Variants in PARN observed in about 807,000 individuals in gnomAD.
PARN encodes poly(A)-specific ribonuclease, also known as poly(A)-specific ribonuclease PARN.
In PARN, 71 loss-of-function variants were observed where a neutral mutation model predicts 102.8. The observed-to-expected ratio is 0.69, with a 90% confidence interval of 0.57 to 0.84. The LOEUF (loss-of-function observed/expected upper bound fraction) is 0.84, where lower values mean the gene tolerates loss of function less well. Among genes scored for constraint, PARN ranks in the 40% least tolerant of loss-of-function variants. The pLI is 0.00. For synonymous variants in PARN, 261 were observed against 252.9 expected, an observed-to-expected ratio of 1.03 and a Z score of -0.30; for missense variants, 782 against 760.9, an observed-to-expected ratio of 1.03 and a Z score of -0.33.
chr16:14,624,732 G>C (rs1201243780), intron 5 of PARN, among the ~76,000 whole-genome samples: 1 of 151,252 alleles, frequency 6.6e-6, no homozygotes, highest in Non-Finnish European at 1.5e-5. Flanking sequence ...CAGCCCGACC[G>C]ACATGGAGAA....
At chr16:14,574,539 C>T (rs1285754252) in intron 18 of PARN, among the ~76,000 whole-genome samples, 2 of 152,032 alleles carry the variant, frequency 1.3e-5, no homozygotes, top group African/African-American at 4.8e-5. Flanking sequence ...ATGGTGAAAT[C>T]CCACCTCTAC....
At chr16:14,533,283 G>A (rs1043298114) in intron 21 of PARN, among the ~76,000 whole-genome samples, 1 of 152,164 alleles carries the variant, frequency 6.6e-6, no homozygotes, top group Non-Finnish European at 1.5e-5. Flanking sequence ...GCGCGCGCCT[G>A]CAATCGCAAG....
chr16:14,503,633 C>T (rs937326521), intron 21 of PARN, among the ~76,000 whole-genome samples: 4 of 152,130 alleles, frequency 2.6e-5, no homozygotes, highest in Non-Finnish European at 5.9e-5. Context: ...AGTGGTCACC[C>T]GTGCATCTAC....
chr16:14,454,787 T>C lies in PARN; in HGVS notation c.1671-7706A>G, dbSNP rs186385054. ...TTCAGAATTCCCAAATCATAAAATA[T>C]TCTGCATTTTTCATAGCATTGTGTT... is the stretch of plus-strand genomic sequence containing the variant. On this transcript the variant is annotated intron_variant, in intron 22 of 23. Coordinates refer to ENST00000437198, the MANE Select transcript of PARN (RefSeq NM_002582.4). Among the ~76,000 whole-genome samples the C allele has an allele frequency of 1.5e-3, 221 of 152,384 alleles. 1 individual carries two copies. The highest frequency in any genetic ancestry group is 5.1e-3 in the African/African-American group (213 of 41,594).
chr16:14,497,845 C>T (rs180984396), intron 21 of PARN, among the ~76,000 whole-genome samples: 103 of 152,172 alleles, frequency 6.8e-4, no homozygotes, highest in African/African-American at 2.4e-3. Flanking sequence ...ATTTACTGGC[C>T]GGGTGCGGTG....
intron 22 of PARN, among the ~76,000 whole-genome samples, chr16:14,477,025 G>A (rs1596476617): frequency 1.3e-5 from 2 of 152,288 alleles, no homozygotes; most frequent in East Asian, 3.9e-4. Context: ...CAATATAAAT[G>A]GCAGAGATTG....
chr16:14,492,403 G>A (rs1186785530), intron 21 of PARN, among the ~76,000 whole-genome samples: 1 of 152,160 alleles, frequency 6.6e-6, no homozygotes, highest in Non-Finnish European at 1.5e-5. Context: ...TGGGAGAGCC[G>A]TGAGGTGTTT....
rs772210181 is a variant in PARN at position 14,584,396 on chromosome 16, C to T, written c.1032G>A (p.Ala344=). Residue 344 remains alanine (A), a synonymous_variant, in exon 16 of 24, where the codon GCG becomes GCA. Coordinates refer to ENST00000437198, the MANE Select transcript of PARN (RefSeq NM_002582.4). ...TCTCTTTTAACCGCTTTTCCAATTC[C>T]GCAAGGGATGTGTTGTTAATGATAT... The part of the protein sequence containing the change: ...FKDIINNTSL[A]ELEKRLKETP... 46 of 1,613,080 alleles carry T rather than the reference C, an allele frequency of 2.9e-5. 1 individual carries two copies. Among genetic ancestry groups the T allele is most frequent in the East Asian group, 2.2e-5 (1 of 44,854 alleles).
intron 23 of PARN, among the ~76,000 whole-genome samples, chr16:14,437,382 G>A (rs1960749994): frequency 6.6e-6 from 1 of 152,178 alleles, no homozygotes; most frequent in Non-Finnish European, 1.5e-5. Flanking sequence ...CAACCAGTGG[G>A]GGTTCCAATA....
At chr16:14,578,342 A>AAAG (rs1373150031) in intron 18 of PARN, among the ~76,000 whole-genome samples, 99 of 149,844 alleles carry the variant, frequency 6.6e-4, no homozygotes, top group Non-Finnish European at 1.2e-3. Flanking sequence ...AAAAAAAAAA[A>AAAG]AAAAAAAAAA....
chr16:14,590,901 G>T lies in PARN; in HGVS notation c.918+2400C>A, dbSNP rs1057393305. Among the ~76,000 whole-genome samples the T allele has an allele frequency of 2.8e-4, 42 of 152,286 alleles. 1 individual carries two copies. The highest frequency in any genetic ancestry group is 9.4e-4 in the African/African-American group (39 of 41,570). On this transcript the variant is annotated intron_variant, in intron 13 of 23. Coordinates refer to ENST00000437198, the MANE Select transcript of PARN (RefSeq NM_002582.4). ...GTGAAGTAACTGAAGGTTTACAGAT[G>T]TATAAGTGAGACTGAACTCTCAAGC...
At chr16:14,620,864 C>T (rs960064937) in intron 5 of PARN, among the ~76,000 whole-genome samples, 6 of 152,148 alleles carry the variant, frequency 3.9e-5, no homozygotes, top group Non-Finnish European at 7.4e-5. Context: ...CTTTCTTTGG[C>T]ACAAATTCTG....
At position 14,617,641 on chromosome 16, in the gene PARN, T is replaced by C. The variant is rs1215008274; in HGVS notation, c.337A>G (p.Ile113Val). ...DVKFVCQSSS[I>V]DFLASQGFDF... ...AATCCCTGGCTTGCTAGAAAGTCAA[T>C]GCTGGAGCTCTGAAACAGAGTAAAC... The change falls in exon 6 of 24, where the codon ATT (isoleucine) becomes GTT (valine). Residue 113 changes from isoleucine (I) to valine (V), a missense_variant. By Grantham distance (29) the Ile-to-Val change is conservative (BLOSUM62 3). Transcript: ENST00000437198. 6.3e-7 allele frequency: 1 copy of C among 1,595,098 alleles called. No individual in the cohort carries two copies. Among genetic ancestry groups the C allele is most frequent in the African/African-American group, 1.3e-5 (1 of 74,584 alleles).
At position 14,630,206 on chromosome 16, in the gene PARN, T is replaced by TGCGGCAGTAGCTGAGGCA. The variant is rs1972963052; in HGVS notation, c.-99_-82dup. 11 of 1,287,236 alleles carry TGCGGCAGTAGCTGAGGCA rather than the reference T, an allele frequency of 8.5e-6. No individual in the cohort carries two copies. The highest frequency in any genetic ancestry group is 1.1e-5 in the Non-Finnish European group (10 of 918,018). 79.7% of individuals were successfully genotyped at this position (1,287,236 alleles called of 1,614,324 possible). A position where few individuals can be genotyped will look rare whatever the true frequency, so the allele number is the denominator to read the frequency against. On this transcript the variant is annotated 5_prime_UTR_variant, in exon 1 of 24. Transcript: ENST00000437198. ...TCTACTCGCCGAATTCCGCGGCGAC[T>TGCGGCAGTAGCTGAGGCA]GCGGCAGTAGCTGAGGCAGCCGCAG...
At position 14,629,739 on chromosome 16, in the gene PARN, G is replaced by A. The variant is rs189549043; in HGVS notation, c.20-65C>T. On this transcript the variant is annotated intron_variant, in intron 1 of 23. Coordinates refer to ENST00000437198, the MANE Select transcript of PARN (RefSeq NM_002582.4). ...GAATTCCTGCTAAGGGGAGAGGGAA[G>A]GAGGGCCGAGGAGCTCCCGAGGCTG... 2.2e-4 allele frequency: 255 copies of A among 1,159,086 alleles called. No homozygotes were observed. The African/African-American group carries it at 3.3e-3, about 15-fold the overall frequency. The allele number at this position is 1,159,086 out of a possible 1,614,324, so 71.8% of individuals were successfully genotyped here.
intron 12 of PARN, among the ~76,000 whole-genome samples, chr16:14,595,719 C>T (rs1180699222): frequency 3.3e-5 from 5 of 152,030 alleles, no homozygotes; most frequent in South Asian, 2.1e-4. Flanking sequence ...TCAGTAGAGA[C>T]GGGGTTTTAC....
chr16:14,474,104 CA>C (rs1436888992), intron 22 of PARN, among the ~76,000 whole-genome samples: 1 of 152,034 alleles, frequency 6.6e-6, no homozygotes, highest in Non-Finnish European at 1.5e-5. Context: ...GCCATTGTAC[CA>C]CCTCAACCTC....
At chr16:14,446,654 T>C (rs928957373) in intron 23 of PARN, among the ~76,000 whole-genome samples, 3 of 152,126 alleles carry the variant, frequency 2.0e-5, no homozygotes, top group African/African-American at 7.2e-5. Context: ...ATTACCAAAA[T>C]AGACTAGCCA....
chr16:14,461,864 T>A (rs1962001923), intron 22 of PARN, among the ~76,000 whole-genome samples: 1 of 152,230 alleles, frequency 6.6e-6, no homozygotes, highest in African/African-American at 2.4e-5. Flanking sequence ...CATAATGACA[T>A]GTTTTGCTGT....
Sources: allele counts gnomAD v4.1 joint callset (sites outside exome capture counted in the v4.1 genomes callset), GRCh38; gene constraint gnomAD v4.1.1; transcripts MANE v1.5; gene names NCBI Gene and HGNC (gene_info 2026-07-23, HGNC 2026-07-21).